Variants in PALD1 observed in about 807,000 individuals in gnomAD.
The protein encoded by PALD1 is phosphatase domain containing paladin 1, also known as paladin.
In PALD1, 57 loss-of-function variants were observed where a neutral mutation model predicts 96.0. That is an observed-to-expected ratio of 0.59 (90% CI 0.48 to 0.74). PALD1 has a LOEUF of 0.74. Among genes scored for constraint, PALD1 ranks in the 30% least tolerant of loss-of-function variants. The pLI is 0.00. For missense variants in PALD1, 1,063 were observed against 1,143.7 expected (o/e 0.93, Z 1.02); for synonymous variants, 464 against 473.6 (o/e 0.98, Z 0.26).
At position 70,501,927 on chromosome 10, in the gene PALD1, C is replaced by A. The variant is rs746653636; in HGVS notation, c.-30+22868C>A. On this transcript the variant is annotated intron_variant, in intron 1 of 19. Transcript: ENST00000263563. ...ACAAAACTCTAAAATCCTGTAGTGT[C>A]TTTTTTTTTTTAAACTAGACATATA... Among the ~76,000 whole-genome samples the A allele has an allele frequency of 7.1e-4, 103 of 145,346 alleles. 2 individuals carry two copies. Among genetic ancestry groups the A allele is most frequent in the Non-Finnish European group, 2.1e-4 (14 of 65,848 alleles).
At chr10:70,544,075 C>G (rs562213262) in intron 17 of PALD1, among the ~76,000 whole-genome samples, 13 of 152,170 alleles carry the variant, frequency 8.5e-5, no homozygotes, top group Non-Finnish European at 1.8e-4. Flanking sequence ...ATTTGCTGAG[C>G]CCACAGTCTG....
chr10:70,555,983 A>G (rs1316450157), intron 18 of PALD1, among the ~76,000 whole-genome samples: 1 of 152,060 alleles, frequency 6.6e-6, no homozygotes, highest in Non-Finnish European at 1.5e-5. Flanking sequence ...CCTGGGTGAC[A>G]GAGTGAGACT....
the PALD1 span, among the ~76,000 whole-genome samples, chr10:70,466,984 C>T: frequency 4.6e-5 from 7 of 152,206 alleles, no homozygotes; most frequent in African/African-American, 1.7e-4. Flanking sequence ...TCGCTGCCTC[C>T]TGCCAGCAGC....
chr10:70,523,321 C>T (rs1368283250), intron 1 of PALD1, among the ~76,000 whole-genome samples: 1 of 152,206 alleles, frequency 6.6e-6, no homozygotes, highest in African/African-American at 2.4e-5. Flanking sequence ...TGGCCTGAAG[C>T]TGTGGCCAGC....
At chr10:70,543,652 T>C (rs1713753996) in intron 17 of PALD1, among the ~76,000 whole-genome samples, 1 of 152,194 alleles carries the variant, frequency 6.6e-6, no homozygotes, top group South Asian at 2.1e-4. Context: ...CTTTCCCCAT[T>C]GAAGGGTCTT....
At chr10:70,501,834 T>TGTGTGTGCGC (rs774868338) in intron 1 of PALD1, among the ~76,000 whole-genome samples, 75 of 149,498 alleles carry the variant, frequency 5.0e-4, no homozygotes, top group African/African-American at 1.8e-3. Context: ...TGTGTGTGTG[T>TGTGTGTGCGC]GCGTGCGTGC....
At chr10:70,475,530 A>G (rs572888161), upstream of PALD1, among the ~76,000 whole-genome samples, 8 of 141,088 alleles carry the variant, frequency 5.7e-5, no homozygotes, top group Non-Finnish European at 1.1e-4. Flanking sequence ...CCTCAGGTCC[A>G]GTGTCCCTCA....
chr10:70,525,814 T>TG, intron 1 of PALD1, 109 bp from the exon 2 acceptor site: 1 of 826,244 alleles, frequency 1.2e-6, no homozygotes, highest in Non-Finnish European at 2.0e-6. Flanking sequence ...TGTCTCCAGC[T>TG]GCAGAGTGAG....
In PALD1 at chr10:70,529,208, GCCCCCCCCCC is replaced by G. The variant is rs35468231; in HGVS notation, c.186-12_186-3del. The G allele has an allele frequency of 1.2e-4, 34 of 274,560 alleles. 6 individuals carry two copies. Among genetic ancestry groups the G allele is most frequent in the South Asian group, 2.0e-4 (8 of 39,738 alleles). 17.0% of individuals were successfully genotyped at this position (274,560 alleles called of 1,614,324 possible). A position where few individuals can be genotyped will look rare whatever the true frequency, so the allele number is the denominator to read the frequency against. The stretch of plus-strand genomic sequence containing the variant: ...GGTTGCTTGACTCAGTTTCCATTCT[GCCCCCCCCCC>G]CCCCCCCCAGGTACAACTGCAAGGA... On this transcript the variant is annotated splice_polypyrimidine_tract_variant and intron_variant, in intron 2 of 19. Transcript: ENST00000263563.
chr10:70,504,946 C>T (rs79291841), intron 1 of PALD1, among the ~76,000 whole-genome samples: 8 of 152,180 alleles, frequency 5.3e-5, no homozygotes, highest in Admixed American at 1.3e-4. Flanking sequence ...TTTTGTACCT[C>T]GTCACGTTAA....
intron 4 of PALD1, among the ~76,000 whole-genome samples, chr10:70,530,296 A>G (rs1846966516): frequency 6.6e-6 from 1 of 152,224 alleles, no homozygotes; most frequent in Non-Finnish European, 1.5e-5. Context: ...GCACAAGGTC[A>G]GAAGCCTTCA....
upstream of PALD1, among the ~76,000 whole-genome samples, chr10:70,474,154 T>TG (rs1377276866): frequency 6.6e-6 from 1 of 152,160 alleles, no homozygotes. Flanking sequence ...GAGCAAGATC[T>TG]GGTCCCTGCT....
intron 17 of PALD1, among the ~76,000 whole-genome samples, chr10:70,541,923 C>T (rs1335894262): frequency 6.6e-6 from 1 of 152,214 alleles, no homozygotes; most frequent in Non-Finnish European, 1.5e-5. Context: ...CTGCCTGTTC[C>T]TCTATTTCAG....
chr10:70,541,412 G>A (rs1564704877), intron 16 of PALD1, 51 bp from the exon 17 acceptor site: 4 of 1,583,142 alleles, frequency 2.5e-6, no homozygotes, highest in Non-Finnish European at 3.5e-6. Flanking sequence ...CCCAGCAAGG[G>A]GCTCCTGGCG....
chr10:70,530,834 C>T lies in PALD1; in HGVS notation c.469-456C>T, dbSNP rs1846976655. 2.0e-5 allele frequency among the ~76,000 whole-genome samples: 3 copies of T among 152,234 alleles called. No individual in the cohort carries two copies. The South Asian group carries it at 6.2e-4, about 32-fold the overall frequency. On this transcript the variant is annotated intron_variant, in intron 4 of 19. Coordinates refer to ENST00000263563, the MANE Select transcript of PALD1 (RefSeq NM_014431.3). ...CATTTCCCTCTGCCTGTATGGTGCT[C>T]AGTGAATGAATGATTGCGTGGTCAT...
chr10:70,481,544 C>T (rs181853519), intron 1 of PALD1, among the ~76,000 whole-genome samples: 1 of 152,330 alleles, frequency 6.6e-6, no homozygotes, highest in Admixed American at 6.5e-5. Context: ...TTTTGATTCT[C>T]ATCTTCCCTG....
chr10:70,493,764 G>A (rs1489805750), intron 1 of PALD1, among the ~76,000 whole-genome samples: 2 of 152,176 alleles, frequency 1.3e-5, no homozygotes, highest in East Asian at 3.8e-4. Context: ...ATGGATGCAC[G>A]GCGAGCCATG....
chr10:70,517,986 C>T (rs543488331), intron 1 of PALD1, among the ~76,000 whole-genome samples: 1 of 152,312 alleles, frequency 6.6e-6, no homozygotes, highest in African/African-American at 2.4e-5. Context: ...TTACTGCAAC[C>T]TCTGCCTCCC....
chr10:70,506,969 T>G (rs1017604942), intron 1 of PALD1, among the ~76,000 whole-genome samples: 1 of 152,204 alleles, frequency 6.6e-6, no homozygotes, highest in Non-Finnish European at 1.5e-5. Context: ...TGGCCACTTA[T>G]GGACTGTATG....
Sources: gnomAD v4.1 joint callset for allele counts (sites outside exome capture counted in the v4.1 genomes callset) on GRCh38, gnomAD v4.1.1 for gene constraint, MANE v1.5 for transcripts, NCBI Gene and HGNC (gene_info 2026-07-23, HGNC 2026-07-21) for gene names.